NRP2: variants seen among roughly 807,000 people sequenced by gnomAD.
NRP2 encodes the protein neuropilin 2, also known as neuropilin-2.
Under a neutral mutation model 110.4 loss-of-function variants are expected in NRP2, and 52 were observed. The observed-to-expected ratio is 0.47, with a 90% CI of 0.38 to 0.59. The LOEUF is 0.59. NRP2 is among the 20% of genes least tolerant of loss of function. NRP2 has a pLI of 0.00. For synonymous variants in NRP2, 508 were observed against 468.9 expected (o/e 1.08, Z -1.08); for missense variants, 1,049 against 1,203.0 (o/e 0.87, Z 1.89).
intron 2 of NRP2, among the ~76,000 whole-genome samples, chr2:205,702,558 A>T (rs2056582464): frequency 6.6e-6 from 1 of 152,230 alleles, no homozygotes. Context: ...TAGATAAACA[A>T]GGTGCTCTTG....
intron 7 of NRP2, among the ~76,000 whole-genome samples, chr2:205,735,013 G>A (rs1045938735): frequency 1.3e-5 from 2 of 152,170 alleles, no homozygotes; most frequent in Non-Finnish European, 1.5e-5. Context: ...GGTGGTGCAC[G>A]TGAAGAGAGA....
At chr2:205,722,381 A>C in intron 3 of NRP2, 97 bp from the exon 4 acceptor site, 2 of 973,728 alleles carry the variant, frequency 2.1e-6, no homozygotes, top group Admixed American at 3.7e-5. Context: ...CCTCAAGAGC[A>C]GGGGGATTTG....
intron 2 of NRP2, among the ~76,000 whole-genome samples, chr2:205,713,701 A>C (rs2056841827): frequency 6.6e-6 from 1 of 152,232 alleles, no homozygotes; most frequent in Non-Finnish European, 1.5e-5. Context: ...TATTGATTGT[A>C]GCAGGAGAGT....
At chr2:205,764,078 A>G (rs1462542794) in intron 13 of NRP2, 142 bp downstream of exon 13, 1 of 1,069,056 alleles carries the variant, frequency 9.4e-7, no homozygotes, top group South Asian at 1.6e-5. Context: ...TGACACTCTT[A>G]TTTGTTATTC....
At chr2:205,764,195 A>G (rs2057873088) in intron 13 of NRP2, 1 of 522,882 alleles carries the variant, frequency 1.9e-6, no homozygotes, top group African/African-American at 1.9e-5. Context: ...ATTTTATTTT[A>G]GATTGCTATC....
intron 2 of NRP2, among the ~76,000 whole-genome samples, chr2:205,709,921 T>C (rs1208513950): frequency 6.6e-6 from 1 of 152,198 alleles, no homozygotes; most frequent in East Asian, 1.9e-4. Context: ...CAAAAATTAA[T>C]ATGTTATCCC....
chr2:205,775,778 C>T (rs13009799), intron 15 of NRP2, among the ~76,000 whole-genome samples: 3,472 of 152,172 alleles, frequency 0.023, 55 homozygotes, highest in Middle Eastern at 0.034. Flanking sequence ...CACTGAATCC[C>T]GGAAGTCATG....
chr2:205,789,820 C>T (rs1336443552), intron 15 of NRP2, among the ~76,000 whole-genome samples: 2 of 152,156 alleles, frequency 1.3e-5, no homozygotes, highest in Non-Finnish European at 2.9e-5. Context: ...CCAGGCTCAA[C>T]AGAAAAGGAA....
At chr2:205,740,386 A>G in intron 7 of NRP2, 133 bp from the exon 8 acceptor site, 1 of 889,010 alleles carries the variant, frequency 1.1e-6, no homozygotes, top group Non-Finnish European at 1.9e-6. Flanking sequence ...CCAAAACAAC[A>G]TACCCACTGA....
chr2:205,778,221 T>C (rs1180418501), intron 15 of NRP2: 3 of 67,552 alleles, frequency 4.4e-5, no homozygotes, highest in East Asian at 4.1e-4. Context: ...ATACTAATGA[T>C]TTTTTTTTTT....
At chr2:205,701,590 C>T (rs1268665479) in intron 2 of NRP2, 1 of 150,614 alleles carries the variant, frequency 6.6e-6, no homozygotes, top group Non-Finnish European at 1.5e-5. Context: ...CTTGATGGGT[C>T]TCAGAAAGAG....
intron 3 of NRP2, among the ~76,000 whole-genome samples, chr2:205,717,889 G>A (rs904207323): frequency 1.3e-5 from 2 of 152,192 alleles, no homozygotes; most frequent in African/African-American, 2.4e-5. Context: ...TAACAGATTC[G>A]CAGGTGATGT....
intron 10 of NRP2, among the ~76,000 whole-genome samples, chr2:205,747,167 A>G (rs114705854): frequency 6.6e-6 from 1 of 152,126 alleles, no homozygotes; most frequent in Non-Finnish European, 1.5e-5. Context: ...CCCATGATAC[A>G]CAATTTAAAA....
At chr2:205,690,775 G>A (rs1170160379) in intron 1 of NRP2, among the ~76,000 whole-genome samples, 1 of 151,772 alleles carries the variant, frequency 6.6e-6, no homozygotes, top group Non-Finnish European at 1.5e-5. Flanking sequence ...GTGAGACTCT[G>A]TCTCAAAAAA....
At chr2:205,767,580 A>T (rs943145843) in intron 15 of NRP2, 17 of 208,552 alleles carry the variant, frequency 8.2e-5, no homozygotes, top group Non-Finnish European at 1.3e-4. Context: ...CCAGGTTATA[A>T]AAAAAAAAAA....
At chr2:205,723,649 A>G in intron 4 of NRP2, 136 bp from the exon 5 acceptor site, 6 of 874,032 alleles carry the variant, frequency 6.9e-6, no homozygotes, top group Non-Finnish European at 1.1e-5. Context: ...TTCTTGAAAC[A>G]TATCTTTGGT....
chr2:205,750,837 T>G (rs1161273805), intron 11 of NRP2, among the ~76,000 whole-genome samples: 1 of 152,154 alleles, frequency 6.6e-6, no homozygotes, highest in African/African-American at 2.4e-5. Context: ...CGTTTGACAG[T>G]TAGAGGAACT....
intron 11 of NRP2, 32 bp from the exon 12 acceptor site, chr2:205,752,803 C>A (rs1414820640): frequency 6.2e-7 from 1 of 1,613,160 alleles, no homozygotes; most frequent in South Asian, 1.1e-5. Context: ...ATTTCATTTG[C>A]CTTCCTTTGG....
intron 15 of NRP2, among the ~76,000 whole-genome samples, chr2:205,773,723 C>T (rs757334970): frequency 1.1e-4 from 16 of 152,236 alleles, no homozygotes; most frequent in Admixed American, 4.6e-4. Flanking sequence ...ATGAAGGCTT[C>T]ATCCTTCTCC....
Sources: gnomAD v4.1 joint callset for allele counts (sites outside exome capture counted in the v4.1 genomes callset) on GRCh38, gnomAD v4.1.1 for gene constraint, MANE v1.5 for transcripts, NCBI Gene and HGNC (gene_info 2026-07-23, HGNC 2026-07-21) for gene names.